The following CCDC88A variants were observed in gnomAD, a reference collection of about 807,000 sequenced individuals.
CCDC88A encodes the protein coiled-coil and HOOK domain protein 88A.
In CCDC88A, 54 loss-of-function variants were observed where a neutral mutation model predicts 234.3. The ratio of observed to expected loss-of-function variants is 0.23; its 90% CI spans 0.19 to 0.29. CCDC88A has a LOEUF of 0.29. Ranked by LOEUF, CCDC88A falls within the 10% of genes least tolerant of loss-of-function variation. The pLI is 1.00. For missense variants in CCDC88A, 1,832 were observed against 2,123.4 expected (o/e 0.86, Z 2.70); for synonymous variants, 753 against 737.8 (o/e 1.02, Z -0.33).
chr2:55,355,859 C>A, intron 7 of CCDC88A, 108 bp from the exon 8 acceptor site: 1 of 785,354 alleles, frequency 1.3e-6, no homozygotes, highest in Non-Finnish European at 2.0e-6. Flanking sequence ...AAAAACAATT[C>A]ACTGGTCAAA....
intron 3 of CCDC88A, among the ~76,000 whole-genome samples, chr2:55,381,591 G>A: frequency 6.9e-6 from 1 of 144,992 alleles, no homozygotes; most frequent in African/African-American, 2.6e-5. Context: ...TGACTATACA[G>A]ACTATACATT....
At chr2:55,327,145 A>T (rs1421046540) in intron 17 of CCDC88A, among the ~76,000 whole-genome samples, 2 of 152,222 alleles carry the variant, frequency 1.3e-5, no homozygotes, top group South Asian at 2.1e-4. Context: ...AGTAAAACTT[A>T]TTCTGTAACA....
intron 3 of CCDC88A, among the ~76,000 whole-genome samples, chr2:55,375,509 A>ATG (rs1318064662): frequency 1.3e-4 from 2 of 15,608 alleles, no homozygotes; most frequent in Non-Finnish European, 3.3e-4. Context: ...ATATATATAT[A>ATG]TATGTATGTA....
At chr2:55,364,957 C>A (rs567040757) in intron 5 of CCDC88A, among the ~76,000 whole-genome samples, 3 of 152,168 alleles carry the variant, frequency 2.0e-5, no homozygotes, top group South Asian at 4.1e-4. Context: ...CTAGTGAGGA[C>A]AATATAGTCA....
chr2:55,418,656 G>T, intron 2 of CCDC88A, 160 bp downstream of exon 2: 1 of 625,836 alleles, frequency 1.6e-6, no homozygotes. Context: ...ATAATGGGCT[G>T]AGCCCATAAC....
In CCDC88A at chr2:55,312,610, C is replaced by A. The variant is rs376775770; in HGVS notation, c.3934-31G>T. On this transcript the variant is annotated intron_variant, in intron 22 of 32. Coordinates refer to ENST00000436346, the MANE Select transcript of CCDC88A (RefSeq NM_001365480.1). ...TAAACACAAACATTTTTTAAAAAAT[C>A]AACATTTACATTTAACATAAATCAA... The A allele has an allele frequency of 2.0e-6, 3 of 1,505,910 alleles. No homozygotes were observed. The African/African-American group carries it at 4.1e-5, about 21-fold the overall frequency. The allele number at this position is 1,505,910 out of a possible 1,614,324, so 93.3% of individuals were successfully genotyped here.
At chr2:55,410,142 T>C (rs887849649) in intron 2 of CCDC88A, among the ~76,000 whole-genome samples, 2 of 152,164 alleles carry the variant, frequency 1.3e-5, no homozygotes, top group Non-Finnish European at 2.9e-5. Context: ...GCCTCTTTCC[T>C]AGGTCTGTCC....
chr2:55,341,958 G>C (rs1170750285), intron 12 of CCDC88A, among the ~76,000 whole-genome samples: 2 of 152,056 alleles, frequency 1.3e-5, no homozygotes, highest in African/African-American at 4.8e-5. Flanking sequence ...AATGCTATGA[G>C]AGTTCTATTT....
At chr2:55,348,438 T>A (rs13424499) in intron 9 of CCDC88A, 1 of 152,068 alleles carries the variant, frequency 6.6e-6, no homozygotes, top group African/African-American at 2.4e-5. Context: ...CACGTCCGGC[T>A]AATTTTTGGT....
At chr2:55,351,287 C>T (rs72923194) in intron 8 of CCDC88A, among the ~76,000 whole-genome samples, 4,926 of 152,156 alleles carry the variant, frequency 0.032, 253 homozygotes, top group African/African-American at 0.1. Flanking sequence ...ATTTGAAACA[C>T]ATTAAGTATC....
intron 12 of CCDC88A, among the ~76,000 whole-genome samples, chr2:55,341,633 C>T (rs1342280248): frequency 2.7e-5 from 4 of 150,902 alleles, no homozygotes; most frequent in Non-Finnish European, 5.9e-5. Flanking sequence ...TCAGCAGAGA[C>T]GGGGTTTCAC....
intron 2 of CCDC88A, among the ~76,000 whole-genome samples, chr2:55,392,330 T>C (rs1676785606): frequency 6.6e-6 from 1 of 152,224 alleles, no homozygotes; most frequent in Non-Finnish European, 1.5e-5. Flanking sequence ...TGATGATTTT[T>C]AGGATTAGTT....
At position 55,332,526 on chromosome 2, in the gene CCDC88A, A is replaced by AG. The variant is rs773979242; in HGVS notation, c.2855+39_2855+40insC. On this transcript the variant is annotated intron_variant, in intron 16 of 32. Coordinates refer to ENST00000436346, the MANE Select transcript of CCDC88A (RefSeq NM_001365480.1). The surrounding 1 kb of genome is among the most constrained non-coding windows in gnomAD (Gnocchi z 4.5). Reference sequence around the variant, plus strand: ...AATTCATGTATGAGCAAAAAAAAAAAAAAATTTTCAACTGTTTGCCAAGTA... The same window carrying AG: ...AATTCATGTATGAGCAAAAAAAAAAAGAAAATTTTCAACTGTTTGCCAAGTA... 6.3e-7 allele frequency: 1 copy of AG among 1,584,278 alleles called. No homozygotes were observed. The highest frequency in any genetic ancestry group is 8.5e-7 in the Non-Finnish European group (1 of 1,170,002).
rs753448057 is a variant in CCDC88A at position 55,374,866 on chromosome 2, C to T, written c.291G>A (p.Leu97=). 2 of 1,606,352 alleles carry T rather than the reference C, an allele frequency of 1.2e-6. No individual in the cohort carries two copies. Among genetic ancestry groups the T allele is most frequent in the Non-Finnish European group, 1.7e-6 (2 of 1,174,150 alleles). The change falls in exon 4 of 33, where the codon TTG becomes TTA. Residue 97 remains leucine, a synonymous_variant. Transcript: ENST00000436346. ...AGACATTTGGCAACGACATCATGAT[C>T]AATTGCTGCAAAGTCTCCTGTAAAA... is the stretch of plus-strand genomic sequence containing the variant. ...KFYYQETLQQ[L]IMMSLPNVLI... is the part of the protein sequence containing the mutation.
At chr2:55,393,158 A>G (rs1676923203) in intron 2 of CCDC88A, among the ~76,000 whole-genome samples, 1 of 150,826 alleles carries the variant, frequency 6.6e-6, no homozygotes, top group South Asian at 2.1e-4. Flanking sequence ...ACTCTTACAT[A>G]TTTAAGTTTT....
chr2:55,361,339 G>T (rs2104782475), intron 7 of CCDC88A, among the ~76,000 whole-genome samples: 1 of 152,176 alleles, frequency 6.6e-6, no homozygotes. Context: ...TAGTAGGAAT[G>T]TTTTCCAATT....
At position 55,317,352 on chromosome 2, in the gene CCDC88A, G is replaced by T. The variant is rs781677659; in HGVS notation, c.3603-3C>A. 6.9e-7 allele frequency: 1 copy of T among 1,457,108 alleles called. No homozygotes were observed. The highest frequency in any genetic ancestry group is 9.1e-7 in the Non-Finnish European group (1 of 1,099,006). 90.3% of individuals were successfully genotyped at this position (1,457,108 alleles called of 1,614,324 possible). On this transcript the variant is annotated splice_polypyrimidine_tract_variant and splice_region_variant and intron_variant, in intron 20 of 32. Transcript: ENST00000436346. The surrounding 1 kb of genome is among the most constrained non-coding windows in gnomAD (Gnocchi z 4.2). ...TCTGTTTTAATAACTGATTGTAACT[G>T]GGGGGAAAAAAGGCATTTGGTTTAT...
chr2:55,389,160 C>T (rs1467635058), intron 2 of CCDC88A, among the ~76,000 whole-genome samples: 1 of 152,142 alleles, frequency 6.6e-6, no homozygotes, highest in Non-Finnish European at 1.5e-5. Context: ...CTCCACATTC[C>T]TGGGATGAAT....
rs558827055 is a variant in CCDC88A at position 55,393,289 on chromosome 2, G to GTTTTTTTTTTT, written c.165-4414_165-4404dup. Among the ~76,000 whole-genome samples, 21 of 61,680 alleles carry GTTTTTTTTTTT rather than the reference G, an allele frequency of 3.4e-4. 6 individuals are homozygous for GTTTTTTTTTTT. The highest frequency in any genetic ancestry group is 5.6e-4 in the East Asian group (1 of 1,774). The allele number at this position is 61,680 out of a possible 152,430, so 40.5% of individuals were successfully genotyped here. A position where few individuals can be genotyped will look rare whatever the true frequency, so the allele number is the denominator to read the frequency against. ...TAGAGTTTTGATTTTGGTTTTTTGGGTTTTTTTTTTTTTTTTTTTTTTTGC... is the reference window on the plus strand; with the variant it reads ...TAGAGTTTTGATTTTGGTTTTTTGGGTTTTTTTTTTTTTTTTTTTTTTTTTTTTTTTTTTGC... On this transcript the variant is annotated intron_variant, in intron 2 of 32. Transcript: ENST00000436346.
Sources: allele counts gnomAD v4.1 joint callset (sites outside exome capture counted in the v4.1 genomes callset), GRCh38; gene constraint gnomAD v4.1.1; non-coding constraint Gnocchi (gnomAD v3.1); transcripts MANE v1.5; gene names NCBI Gene and HGNC (gene_info 2026-07-23, HGNC 2026-07-21).